Variants in EPHA4 observed in about 807,000 individuals in gnomAD.
EPHA4 encodes ephrin type-A receptor 4.
Under a neutral mutation model 108.3 loss-of-function variants are expected in EPHA4, and 19 were observed. The observed-to-expected ratio is 0.18, with a 90% CI of 0.12 to 0.26. EPHA4 has a LOEUF of 0.26. EPHA4 is among the 10% of genes least tolerant of loss of function. The pLI is 1.00. For synonymous variants in EPHA4, 449 were observed against 455.5 expected (o/e 0.99, Z 0.18); for missense variants, 917 against 1,254.0 (o/e 0.73, Z 4.06).
chr2:221,423,632 C>A (rs886380348), intron 17 of EPHA4, among the ~76,000 whole-genome samples: 2 of 151,814 alleles, frequency 1.3e-5, no homozygotes, highest in African/African-American at 2.4e-5. Flanking sequence ...TGAGCAGGAA[C>A]AAAACAACAC....
rs1317845214 is a variant in EPHA4, at chr2:221,571,951, G to T, written c.91+207C>A. On this transcript the variant is annotated intron_variant, in intron 1 of 17. Transcript: ENST00000281821. This position sits in a 1 kb window ranked among gnomAD's most constrained non-coding sequence, Gnocchi z 6.3. Reference sequence around the variant, plus strand: ...ACAAACTTGGACAGACCCGCCGCGTGCACGGGTCACCGCCTCGGGGCAGGC... The same window carrying T: ...ACAAACTTGGACAGACCCGCCGCGTTCACGGGTCACCGCCTCGGGGCAGGC... 6.6e-6 allele frequency among the ~76,000 whole-genome samples: 1 copy of T among 152,150 alleles called. No homozygotes were observed. The highest frequency in any genetic ancestry group is 1.5e-5 in the Non-Finnish European group (1 of 68,038).
At chr2:221,472,356 G>T (rs1473531692) in intron 5 of EPHA4, among the ~76,000 whole-genome samples, 2 of 150,312 alleles carry the variant, frequency 1.3e-5, no homozygotes, top group African/African-American at 4.9e-5. Flanking sequence ...CCAGCTTGCA[G>T]TATGTTATCT....
intron 5 of EPHA4, among the ~76,000 whole-genome samples, chr2:221,474,238 C>T (rs374283341): frequency 2.0e-5 from 3 of 151,972 alleles, no homozygotes; most frequent in African/African-American, 4.8e-5. Flanking sequence ...GCACCCACCC[C>T]GAATACAAAT....
chr2:221,493,527 T>G (rs1016054366), intron 4 of EPHA4, among the ~76,000 whole-genome samples: 3 of 152,228 alleles, frequency 2.0e-5, no homozygotes, highest in Admixed American at 2.0e-4. Context: ...CGATGTTATT[T>G]TAATTTGCAT....
At chr2:221,477,956 AGAT>A (rs1171160851) in intron 5 of EPHA4, among the ~76,000 whole-genome samples, 2 of 152,164 alleles carry the variant, frequency 1.3e-5, no homozygotes, top group Non-Finnish European at 2.9e-5. Flanking sequence ...TGCTAGAGAG[AGAT>A]GACCAGATCT....
chr2:221,426,529 C>G lies in EPHA4; in HGVS notation c.2781G>C (p.Arg927=). ...GDWLQAIKMD[R]YKDNFTAAGY... Reference sequence around the variant, plus strand: ...CAGCAGCTGTGAAGTTATCCTTATACCGGTCCATTTTAATGGCCTGGAGCC... The same window carrying G: ...CAGCAGCTGTGAAGTTATCCTTATAGCGGTCCATTTTAATGGCCTGGAGCC... Residue 927 remains arginine (R), a synonymous_variant, in exon 16 of 18, where the codon CGG becomes CGC. Coordinates refer to ENST00000281821, the MANE Select transcript of EPHA4 (RefSeq NM_004438.5). 1 of 1,614,158 alleles carries G rather than the reference C, an allele frequency of 6.2e-7. No homozygotes were observed. Among genetic ancestry groups the G allele is most frequent in the South Asian group, 1.1e-5 (1 of 91,066 alleles).
Position 221,572,226 on chromosome 2 carries a change from G to A in EPHA4, c.23C>T (p.Ala8Val), listed in dbSNP as rs757596494. 3.1e-6 allele frequency: 5 copies of A among 1,614,150 alleles called. No homozygotes were observed. In the East Asian group the frequency reaches 6.7e-5, roughly 22 times the overall value. ...AATCCCGAAGAGACACGAAAATAGGGCGAAATAGAAAATCCCAGCCATGGT... is the reference window on the plus strand; with the variant it reads ...AATCCCGAAGAGACACGAAAATAGGACGAAATAGAAAATCCCAGCCATGGT... MAGIFYF[A>V]LFSCLFGICD... Residue 8 changes from alanine to valine, a missense_variant, in exon 1 of 18, where the codon GCC (alanine) becomes GTC (valine). Transcript: ENST00000281821.
intron 14 of EPHA4, among the ~76,000 whole-genome samples, chr2:221,433,090 C>T (rs1010039432): frequency 6.6e-6 from 1 of 152,102 alleles, no homozygotes; most frequent in African/African-American, 2.4e-5. Flanking sequence ...TCCCAAAGTG[C>T]TGGGATTACA....
intron 3 of EPHA4, among the ~76,000 whole-genome samples, chr2:221,556,009 GA>G (rs1447247845): frequency 6.6e-6 from 1 of 152,148 alleles, no homozygotes; most frequent in African/African-American, 2.4e-5. Context: ...CAAAGAAACT[GA>G]AAAGTGATGG....
At position 221,511,571 on chromosome 2, in the gene EPHA4, G is replaced by T. The variant is rs564837547; in HGVS notation, c.824-10399C>A. Among the ~76,000 whole-genome samples the T allele has an allele frequency of 9.1e-5, 12 of 132,102 alleles. No individual in the cohort carries two copies. In the South Asian group the frequency reaches 2.6e-3, roughly 28 times the overall value. The allele number at this position is 132,102 out of a possible 152,430, so 86.7% of individuals were successfully genotyped here. A position where few individuals can be genotyped will look rare whatever the true frequency, so the allele number is the denominator to read the frequency against. ...ATAAATCTTCTTCCACCACATGTCT[G>T]CGGGAGTCTGTCTGAATCTGCTGTG... On this transcript the variant is annotated intron_variant, in intron 3 of 17. Transcript: ENST00000281821.
intron 3 of EPHA4, among the ~76,000 whole-genome samples, chr2:221,539,734 T>A (rs965501411): frequency 6.6e-6 from 1 of 152,124 alleles, no homozygotes; most frequent in Non-Finnish European, 1.5e-5. Context: ...TAAAAGCCAA[T>A]GGTGGTTTCA....
chr2:221,461,710 CT>C (rs1334846442), intron 5 of EPHA4, among the ~76,000 whole-genome samples: 1 of 152,134 alleles, frequency 6.6e-6, no homozygotes, highest in Non-Finnish European at 1.5e-5. Flanking sequence ...CCACCAAATA[CT>C]TTAGCCTCTT....
intron 17 of EPHA4, chr2:221,422,103 T>C (rs1052555033): frequency 2.0e-5 from 3 of 149,882 alleles, no homozygotes; most frequent in Non-Finnish European, 4.4e-5. Flanking sequence ...TAGCCAGGCA[T>C]GGTTGTGCAC....
chr2:221,561,141 C>T (rs1420458659), intron 3 of EPHA4, among the ~76,000 whole-genome samples: 1 of 152,162 alleles, frequency 6.6e-6, no homozygotes, highest in African/African-American at 2.4e-5. Context: ...ACTTGGGAGG[C>T]TGAGGCAGGA....
At chr2:221,529,853 C>T (rs185093358) in intron 3 of EPHA4, among the ~76,000 whole-genome samples, 176 of 152,210 alleles carry the variant, frequency 1.2e-3, no homozygotes, top group African/African-American at 3.9e-3. Context: ...AGGAAACCCA[C>T]GAGTCTATTT....
chr2:221,458,646 CCTGCT>C (rs1469481007), intron 5 of EPHA4, among the ~76,000 whole-genome samples: 1 of 152,148 alleles, frequency 6.6e-6, no homozygotes, highest in African/African-American at 2.4e-5. Flanking sequence ...GTTGCCTTTG[CCTGCT>C]CTTTCCACTG....
intron 4 of EPHA4, among the ~76,000 whole-genome samples, chr2:221,489,423 G>A (rs1029229289): frequency 6.6e-6 from 1 of 152,154 alleles, no homozygotes; most frequent in Non-Finnish European, 1.5e-5. Context: ...AACTCACATT[G>A]TTAGCAAAAT....
rs186450256 is a variant in EPHA4, at chr2:221,481,622, C to G, written c.1318+730G>C. 3.3e-3 allele frequency among the ~76,000 whole-genome samples: 508 copies of G among 152,064 alleles called. 5 individuals are homozygous for G. The highest frequency in any genetic ancestry group is 0.012 in the African/African-American group (491 of 41,488). Reference sequence around the variant, plus strand: ...TGAGCCGAGATCACGCCACTGCATTCCAGCTTGGGCGACAGAGTGAAACTC... The same window carrying G: ...TGAGCCGAGATCACGCCACTGCATTGCAGCTTGGGCGACAGAGTGAAACTC... On this transcript the variant is annotated intron_variant, in intron 5 of 17. Coordinates refer to ENST00000281821, the MANE Select transcript of EPHA4 (RefSeq NM_004438.5).
At chr2:221,540,471 AT>A (rs374746726) in intron 3 of EPHA4, among the ~76,000 whole-genome samples, 156 of 152,168 alleles carry the variant, frequency 1.0e-3, no homozygotes, top group African/African-American at 3.6e-3. Context: ...TGATCAACTC[AT>A]TTTTTCCCCT....
Sources: gnomAD v4.1 joint callset for allele counts (sites outside exome capture counted in the v4.1 genomes callset) on GRCh38, gnomAD v4.1.1 for gene constraint, Gnocchi (gnomAD v3.1) non-coding constraint, MANE v1.5 for transcripts, NCBI Gene and HGNC (gene_info 2026-07-23, HGNC 2026-07-21) for gene names.